Variants in P4HTM observed in about 807,000 individuals in gnomAD.
The protein encoded by P4HTM is prolyl 4-hydroxylase, transmembrane, also known as transmembrane prolyl 4-hydroxylase.
P4HTM carries 33 observed loss-of-function variants against 55.3 expected under a neutral mutation model. The ratio of observed to expected loss-of-function variants is 0.60; its 90% confidence interval spans 0.45 to 0.80. The LOEUF (loss-of-function observed/expected upper bound fraction) is 0.80. P4HTM is among the 30% of genes least tolerant of loss of function. The probability of loss-of-function intolerance (pLI) is 0.00; values close to 1 mark genes in which losing one functional copy is unlikely to be tolerated. For synonymous variants in P4HTM, 272 were observed against 286.4 expected, an observed-to-expected ratio of 0.95 and a Z score of 0.51; for missense variants, 542 against 696.5, an observed-to-expected ratio of 0.78 and a Z score of 2.50.
rs556432721 is a variant in P4HTM, at chr3:48,990,594, G to T, written c.338G>T (p.Arg113Leu). 2 of 1,593,996 alleles carry T rather than the reference G, an allele frequency of 1.3e-6. No homozygotes were observed. Among genetic ancestry groups the T allele is most frequent in the East Asian group, 2.3e-5 (1 of 44,018 alleles). Reference sequence around the variant, plus strand: ...GAGCCCACCTTAGGTCCCCTCACCCGGCTGGAGGGCATCAAGGTGAGGACC... The same window carrying T: ...GAGCCCACCTTAGGTCCCCTCACCCTGCTGGAGGGCATCAAGGTGAGGACC... Reference protein sequence around the residue: ...GPEPTLGPLTRLEGIKVGHER... With the variant: ...GPEPTLGPLTLLEGIKVGHER... Residue 113 changes from arginine to leucine, a missense_variant, in exon 1 of 9, where the codon CGG becomes CTG. This residue lies in a region of P4HTM where 536 missense variants were observed against 672.1 expected (regional missense o/e 0.80). Coordinates refer to ENST00000383729, the MANE Select transcript of P4HTM (RefSeq NM_177939.3). This position sits in a 1 kb window ranked among gnomAD's most constrained non-coding sequence, Gnocchi z 7.2.
chr3:49,002,494 C>A lies in P4HTM; in HGVS notation c.628-6C>A. ...TCACCCACTGAGGGACCCTCTTATG[C>A]TTTAGGTTCTGGCCCAGACTCGCCT... On this transcript the variant is annotated splice_polypyrimidine_tract_variant and splice_region_variant and intron_variant, in intron 3 of 8. Coordinates refer to ENST00000383729, the MANE Select transcript of P4HTM (RefSeq NM_177939.3). The surrounding 1 kb of genome is among the most constrained non-coding windows in gnomAD (Gnocchi z 4.4). 1 of 1,610,758 alleles carries A rather than the reference C, an allele frequency of 6.2e-7. No homozygotes were observed.
At chr3:49,005,307 A>G in intron 6 of P4HTM, 1 of 1,438,926 alleles carries the variant, frequency 6.9e-7, no homozygotes, top group Non-Finnish European at 9.1e-7. Context: ...CTGAGTTCTG[A>G]AGCAAGGGGC....
intron 8 of P4HTM, 44 bp downstream of exon 8, chr3:49,006,231 G>T: frequency 1.3e-6 from 2 of 1,585,444 alleles, no homozygotes; most frequent in South Asian, 2.2e-5. Context: ...CCTGAGTACA[G>T]CTTCCCTTTA....
intron 3 of P4HTM, 28 bp downstream of exon 3, chr3:49,001,656 C>T (rs767487328): frequency 2.5e-6 from 4 of 1,590,472 alleles, no homozygotes; most frequent in East Asian, 4.5e-5. Context: ...TGAGTAGGCT[C>T]AGGGTGGGAG....
Position 49,001,485 on chromosome 3 carries a change from C to T in P4HTM, c.484C>T (p.Leu162=), listed in dbSNP as rs746037527. 15 of 1,613,826 alleles carry T rather than the reference C, an allele frequency of 9.3e-6. No homozygotes were observed. In the East Asian group the frequency reaches 1.3e-4, roughly 14 times the overall value. The change falls in exon 3 of 9, where the codon CTG becomes TTG. Residue 162 remains leucine (L), a synonymous_variant. Transcript: ENST00000383729. ...TDEECRLIIH[L]AQMKGLQRSQ... is the part of the protein sequence containing the mutation. ...TGAAGAGTGTCGGCTCATCATCCAT[C>T]TGGCGCAGATGAAGGGGTTACAGCG...
chr3:48,990,124 CG>C, upstream of P4HTM: 2 of 863,946 alleles, frequency 2.3e-6, no homozygotes, highest in Non-Finnish European at 2.8e-6. The surrounding 1 kb of genome is among the most constrained non-coding windows in gnomAD (Gnocchi z 7.2). Context: ...CGGCTCCGGG[CG>C]GGCTCAGCAC....
intron 2 of P4HTM, chr3:48,996,456 G>A (rs978051340): frequency 6.6e-6 from 1 of 152,066 alleles, no homozygotes; most frequent in Non-Finnish European, 1.5e-5. Flanking sequence ...CCGCTTCCTG[G>A]GTTCAAGTGA....
At chr3:49,003,015 CT>C (rs907836276) in intron 4 of P4HTM, 43 of 347,466 alleles carry the variant, frequency 1.2e-4, no homozygotes, top group Non-Finnish European at 1.5e-4. Flanking sequence ...GACAGCTTCC[CT>C]GGTCTAAGTG....
intron 8 of P4HTM, 96 bp downstream of exon 8, chr3:49,006,283 C>T (rs1350322557): frequency 7.1e-7 from 1 of 1,408,780 alleles, no homozygotes; most frequent in Non-Finnish European, 9.7e-7. Flanking sequence ...TTTCTGGCTG[C>T]TTTCCAAATA....
chr3:48,992,694 T>C (rs1179502893), intron 2 of P4HTM, among the ~76,000 whole-genome samples: 3 of 141,692 alleles, frequency 2.1e-5, no homozygotes, highest in African/African-American at 7.9e-5. Context: ...AGACTAAGTT[T>C]CTCTCTTGTT....
At position 49,007,121 on chromosome 3, in the gene P4HTM, C is replaced by A. The variant is rs1199164535; in HGVS notation, c.*214C>A. The A allele has an allele frequency of 1.4e-6, 1 of 690,998 alleles. No homozygotes were observed. The highest frequency in any genetic ancestry group is 1.9e-5 in the South Asian group (1 of 51,376). 42.8% of individuals were successfully genotyped at this position (690,998 alleles called of 1,614,324 possible). ...TAAAAAACCACAAGGTTCGAGCCGC[C>A]GGGCCCGACAAACTCCGGGTCGGCG... On this transcript the variant is annotated 3_prime_UTR_variant, in exon 9 of 9. Coordinates refer to ENST00000383729, the MANE Select transcript of P4HTM (RefSeq NM_177939.3). The surrounding 1 kb of genome is among the most constrained non-coding windows in gnomAD (Gnocchi z 5.1).
chr3:48,990,846 G>T lies in P4HTM; in HGVS notation c.368G>T (p.Arg123Leu), dbSNP rs773579955. ...CCTTTTCCTTAGGTGGGGCACGAGC[G>T]TAAGGTCCAGCTGGTCACCGACAGG... ...RLEGIKVGHE[R>L]KVQLVTDRDH... is the part of the protein sequence containing the mutation. The change falls in exon 2 of 9, where the codon CGT becomes CTT. Residue 123 changes from arginine (R) to leucine (L), a missense_variant. Around this residue, in one of 2 missense-constraint regions of P4HTM, gnomAD observed 536 missense variants for 672.1 expected, o/e 0.80. Coordinates refer to ENST00000383729, the MANE Select transcript of P4HTM (RefSeq NM_177939.3). The surrounding 1 kb of genome is among the most constrained non-coding windows in gnomAD (Gnocchi z 7.2). 10 of 1,613,768 alleles carry T rather than the reference G, an allele frequency of 6.2e-6. No individual in the cohort carries two copies. In the South Asian group the frequency reaches 7.7e-5, roughly 12 times the overall value.
chr3:49,003,737 G>A lies in P4HTM; in HGVS notation c.725-361G>A, dbSNP rs148537180. On this transcript the variant is annotated intron_variant, in intron 4 of 8. Transcript: ENST00000383729. ...CTCTCTCCTCACCCTCCACAGGCCG[G>A]AGAGTGGCCACCACTCTATATAGCC... 2.7e-4 allele frequency: 53 copies of A among 194,682 alleles called. 1 individual carries two copies. The highest frequency in any genetic ancestry group is 2.2e-3 in the East Asian group (15 of 6,762). The allele number at this position is 194,682 out of a possible 1,614,324, so 12.1% of individuals were successfully genotyped here. A position where few individuals can be genotyped will look rare whatever the true frequency, so the allele number is the denominator to read the frequency against.
chr3:49,002,384 GTCC>G lies in P4HTM; in HGVS notation c.628-113_628-111del. The G allele has an allele frequency of 3.9e-6, 3 of 778,968 alleles. No individual in the cohort carries two copies. The highest frequency in any genetic ancestry group is 6.7e-6 in the Non-Finnish European group (3 of 446,958). The allele number at this position is 778,968 out of a possible 1,614,324, so 48.3% of individuals were successfully genotyped here. A position where few individuals can be genotyped will look rare whatever the true frequency, so the allele number is the denominator to read the frequency against. ...TTTGGCCCAATGGGCTCTGCCCTGT[GTCC>G]TCATCCATGCCCTCACCTGAACACT... is the stretch of plus-strand genomic sequence containing the variant. On this transcript the variant is annotated intron_variant, in intron 3 of 8. Coordinates refer to ENST00000383729, the MANE Select transcript of P4HTM (RefSeq NM_177939.3). This position sits in a 1 kb window ranked among gnomAD's most constrained non-coding sequence, Gnocchi z 4.4.
At position 49,002,788 on chromosome 3, in the gene P4HTM, C is replaced by T. The variant is rs759919509; in HGVS notation, c.724+192C>T. ...TGGGAAGTAGGCAGGCAGCCAGGCC[C>T]CCCGTTCCCCTTGGTGATGGTCTCG... is the stretch of plus-strand genomic sequence containing the variant. On this transcript the variant is annotated intron_variant, in intron 4 of 8. Transcript: ENST00000383729. The surrounding 1 kb of genome is among the most constrained non-coding windows in gnomAD (Gnocchi z 4.4). 2.9e-6 allele frequency: 2 copies of T among 683,242 alleles called. No individual in the cohort carries two copies. Among genetic ancestry groups the T allele is most frequent in the East Asian group, 2.7e-5 (1 of 36,476 alleles). The allele number at this position is 683,242 out of a possible 1,614,324, so 42.3% of individuals were successfully genotyped here.
intron 5 of P4HTM, chr3:49,004,641 T>G: frequency 3.4e-6 from 2 of 588,338 alleles, no homozygotes; most frequent in Non-Finnish European, 6.0e-6. Flanking sequence ...TGTCAACATT[T>G]CCACATAGCA....
intron 2 of P4HTM, among the ~76,000 whole-genome samples, chr3:48,992,562 C>T (rs2092933743): frequency 6.7e-6 from 1 of 149,422 alleles, no homozygotes. Context: ...GCCAAGATCG[C>T]ACCACTGCAT....
At chr3:49,006,589 A>T in intron 8 of P4HTM, 98 bp from the exon 9 acceptor site, 2 of 919,902 alleles carry the variant, frequency 2.2e-6, no homozygotes, top group Non-Finnish European at 3.5e-6. Context: ...CTACACAAGG[A>T]ATGCATAGCT....
Position 49,002,653 on chromosome 3 carries a change from T to A in P4HTM, c.724+57T>A, listed in dbSNP as rs564153408. 18 of 1,364,780 alleles carry A rather than the reference T, an allele frequency of 1.3e-5. No individual in the cohort carries two copies. The highest frequency in any genetic ancestry group is 1.6e-5 in the Non-Finnish European group (15 of 952,766). 84.5% of individuals were successfully genotyped at this position (1,364,780 alleles called of 1,614,324 possible). A position where few individuals can be genotyped will look rare whatever the true frequency, so the allele number is the denominator to read the frequency against. On this transcript the variant is annotated intron_variant, in intron 4 of 8. Transcript: ENST00000383729. This position sits in a 1 kb window ranked among gnomAD's most constrained non-coding sequence, Gnocchi z 4.4. ...CGTGAGCCTCCTGCCCACTCCCAGG[T>A]GCACAATTTTGAAAACTTGGGCCCT...
Sources: gnomAD v4.1 joint callset for allele counts (sites outside exome capture counted in the v4.1 genomes callset) on GRCh38, gnomAD v4.1.1 for gene constraint, gnomAD v4.1.1 regional missense constraint, Gnocchi (gnomAD v3.1) non-coding constraint, MANE v1.5 for transcripts, NCBI Gene and HGNC (gene_info 2026-07-23, HGNC 2026-07-21) for gene names.